The following SPTBN1 variants were observed in gnomAD, a reference collection of about 807,000 sequenced individuals.
SPTBN1 encodes spectrin beta, non-erythrocytic 1, also known as spectrin beta chain, non-erythrocytic 1.
In SPTBN1, 32 loss-of-function variants were observed where a neutral mutation model predicts 266.4. The observed-to-expected ratio is 0.12, with a 90% CI of 0.09 to 0.16. SPTBN1 has a LOEUF of 0.16. Ranked by LOEUF, SPTBN1 falls within the 10% of genes least tolerant of loss-of-function variation. The pLI is 1.00. For synonymous variants in SPTBN1, 1,336 were observed against 1,162.2 expected, an observed-to-expected ratio of 1.15 and a Z score of -3.04; for missense variants, 2,296 against 3,067.1, an observed-to-expected ratio of 0.75 and a Z score of 5.94.
chr2:54,487,597 A>G (rs1668466325), intron 1 of SPTBN1, among the ~76,000 whole-genome samples: 1 of 152,130 alleles, frequency 6.6e-6, no homozygotes, highest in Non-Finnish European at 1.5e-5. Context: ...AATATTATCT[A>G]ATGTCACATT....
At chr2:54,601,761 T>C (rs186206785) in intron 3 of SPTBN1, among the ~76,000 whole-genome samples, 4 of 152,334 alleles carry the variant, frequency 2.6e-5, no homozygotes, top group Admixed American at 1.3e-4. Context: ...TCAATTTACT[T>C]AATTAATAGA....
chr2:54,621,353 G>T, intron 7 of SPTBN1, 47 bp from the exon 8 acceptor site: 1 of 1,388,554 alleles, frequency 7.2e-7, no homozygotes, highest in Non-Finnish European at 1.0e-6. Flanking sequence ...CCTGGGTGGG[G>T]CACAGTAGCA....
chr2:54,492,146 G>A (rs1668717339), intron 1 of SPTBN1, among the ~76,000 whole-genome samples: 1 of 152,042 alleles, frequency 6.6e-6, no homozygotes. Flanking sequence ...CTAGAGCTAA[G>A]CCATGCTATA....
intron 2 of SPTBN1, among the ~76,000 whole-genome samples, chr2:54,585,604 C>G (rs199551797): frequency 6.6e-6 from 1 of 152,324 alleles, no homozygotes; most frequent in South Asian, 2.1e-4. Context: ...TAATAACTTT[C>G]TCTTTTACAT....
intron 17 of SPTBN1, among the ~76,000 whole-genome samples, chr2:54,635,399 G>A (rs1237860621): frequency 3.9e-5 from 6 of 152,212 alleles, no homozygotes; most frequent in African/African-American, 7.2e-5. Flanking sequence ...CACGAAGGCC[G>A]TTGTCACACC....
In SPTBN1 at chr2:54,607,562, C is replaced by T. The variant is rs576515744; in HGVS notation, c.301-4599C>T. Among the ~76,000 whole-genome samples, 105 of 152,072 alleles carry T rather than the reference C, an allele frequency of 6.9e-4. 1 individual carries two copies. The highest frequency in any genetic ancestry group is 2.0e-3 in the African/African-American group (85 of 41,482). On this transcript the variant is annotated intron_variant, in intron 3 of 35. Transcript: ENST00000356805. ...TCTTGAACCCAGGAGGCAGAGATTG[C>T]GGTGAGATCGTGCCATTGCACTCCA...
intron 2 of SPTBN1, among the ~76,000 whole-genome samples, chr2:54,589,875 C>G (rs957246435): frequency 6.6e-6 from 1 of 152,148 alleles, no homozygotes; most frequent in African/African-American, 2.4e-5. Flanking sequence ...TCCACCCTAC[C>G]ACTATTCTTT....
rs1678691552 is a variant in SPTBN1, at chr2:54,630,969, G to A, written c.2922G>A (p.Lys974=). The A allele has an allele frequency of 6.2e-7, 1 of 1,614,182 alleles. No individual in the cohort carries two copies. The highest frequency in any genetic ancestry group is 2.2e-5 in the East Asian group (1 of 44,878). The change falls in exon 16 of 36, where the codon AAG becomes AAA. Residue 974 remains lysine (K), a synonymous_variant. Transcript: ENST00000356805. The stretch of plus-strand genomic sequence containing the variant: ...AAACCAAATCCTGGATTCGGGAAAA[G>A]ACCAAGGTCATCGAGTCCACCCAGG... ...CNETKSWIRE[K]TKVIESTQDL...
At chr2:54,539,068 A>G (rs1317831605) in intron 2 of SPTBN1, among the ~76,000 whole-genome samples, 1 of 151,938 alleles carries the variant, frequency 6.6e-6, no homozygotes, top group African/African-American at 2.4e-5. Context: ...TCTGTACCCC[A>G]TGTTCTCTGT....
At chr2:54,658,106 G>A in intron 30 of SPTBN1, 60 bp downstream of exon 30, 2 of 1,596,390 alleles carry the variant, frequency 1.3e-6, no homozygotes, top group South Asian at 1.1e-5. Flanking sequence ...CTTCCTGCTT[G>A]CCTCTTAGAC....
At chr2:54,506,430 C>A (rs977440542) in intron 1 of SPTBN1, among the ~76,000 whole-genome samples, 10 of 150,930 alleles carry the variant, frequency 6.6e-5, no homozygotes, top group Non-Finnish European at 1.2e-4. Context: ...ATATAGATGA[C>A]TCAATCTACA....
intron 1 of SPTBN1, among the ~76,000 whole-genome samples, chr2:54,510,461 C>G (rs1158138651): frequency 6.6e-6 from 1 of 152,182 alleles, no homozygotes; most frequent in Non-Finnish European, 1.5e-5. Context: ...TGGTGCCCAG[C>G]CCCTGATACT....
chr2:54,560,664 A>AT lies in SPTBN1; in HGVS notation c.148+34106dup, dbSNP rs555140229. On this transcript the variant is annotated intron_variant, in intron 2 of 35. Coordinates refer to ENST00000356805, the MANE Select transcript of SPTBN1 (RefSeq NM_003128.3). ...GTTTTGTGTGGTAGCTTTAAAAATA[A>AT]TTTTTTTTAGTGTGACCCTTGTCTC... Among the ~76,000 whole-genome samples the AT allele has an allele frequency of 4.4e-3, 667 of 152,178 alleles. 5 individuals carry two copies. The highest frequency in any genetic ancestry group is 6.3e-3 in the Non-Finnish European group (428 of 67,976).
At chr2:54,576,175 C>T (rs1232481246) in intron 2 of SPTBN1, among the ~76,000 whole-genome samples, 3 of 150,400 alleles carry the variant, frequency 2.0e-5, no homozygotes, top group Non-Finnish European at 4.4e-5. Flanking sequence ...CTGCCTCAGC[C>T]TCCCCAGTAG....
intron 2 of SPTBN1, among the ~76,000 whole-genome samples, chr2:54,566,185 CT>C (rs59369956): frequency 0.48 from 60,090 of 124,964 alleles, 13,618 homozygotes; most frequent in African/African-American, 0.63. Context: ...TTTCTTTTTT[CT>C]TTTTTTTTTT....
chr2:54,582,119 A>G (rs546556445), intron 2 of SPTBN1, among the ~76,000 whole-genome samples: 19 of 152,340 alleles, frequency 1.2e-4, no homozygotes, highest in Non-Finnish European at 2.4e-4. Context: ...GATGCTTTTT[A>G]AAAACATGGC....
intron 35 of SPTBN1, among the ~76,000 whole-genome samples, chr2:54,668,010 G>A (rs999474501): frequency 6.6e-6 from 1 of 152,188 alleles, no homozygotes; most frequent in Middle Eastern, 3.2e-3. Context: ...CAAGGAAAGA[G>A]AGAGTCCATT....
In SPTBN1 at chr2:54,644,419, A is replaced by T. The variant is rs1403420546; in HGVS notation, c.4102A>T (p.Thr1368Ser). The T allele has an allele frequency of 6.2e-7, 1 of 1,614,122 alleles. No individual in the cohort carries two copies. Among genetic ancestry groups the T allele is most frequent in the Non-Finnish European group, 8.5e-7 (1 of 1,180,054 alleles). Residue 1368 changes from threonine to serine, a missense_variant, in exon 20 of 36, where the codon ACT (threonine) becomes TCT (serine). By Grantham distance (58) the Thr-to-Ser change is moderately conservative. This residue lies in a region of SPTBN1 where 386 missense variants were observed against 486.1 expected (regional missense o/e 0.79). Transcript: ENST00000356805. Reference protein sequence around the residue: ...LHKMWEVLESTTQTKAQRLFD... With the variant: ...LHKMWEVLESSTQTKAQRLFD... ...TAAAATGTGGGAAGTCCTTGAATCC[A>T]CTACCCAGACAAAGGCCCAGCGGCT...
In SPTBN1 at chr2:54,653,160, C is replaced by T. The variant is rs1680410690; in HGVS notation, c.5578-449C>T. On this transcript the variant is annotated intron_variant, in intron 26 of 35. Transcript: ENST00000356805. This position sits in a 1 kb window ranked among gnomAD's most constrained non-coding sequence, Gnocchi z 5.1. ...ACGGTGAGAACTCTTACAGGCGATA[C>T]ATACATTGTATTCACATAGCAATGA... The T allele has an allele frequency of 6.4e-6, 1 of 155,070 alleles. No homozygotes were observed. Among genetic ancestry groups the T allele is most frequent in the South Asian group, 2.0e-4 (1 of 5,050 alleles). 9.6% of individuals were successfully genotyped at this position (155,070 alleles called of 1,614,324 possible).
Sources: gnomAD v4.1 joint callset for allele counts (sites outside exome capture counted in the v4.1 genomes callset) on GRCh38, gnomAD v4.1.1 for gene constraint, gnomAD v4.1.1 regional missense constraint, Gnocchi (gnomAD v3.1) non-coding constraint, MANE v1.5 for transcripts, NCBI Gene and HGNC (gene_info 2026-07-23, HGNC 2026-07-21) for gene names.